The following DAB1 variants were observed in gnomAD, a reference collection of about 807,000 sequenced individuals.
DAB1 encodes disabled homolog 1.
DAB1 carries 15 observed loss-of-function variants against 64.6 expected under a neutral mutation model. The observed-to-expected ratio is 0.23, with a 90% CI of 0.16 to 0.36. DAB1 has a LOEUF of 0.36. Among genes scored for constraint, DAB1 ranks in the 10% least tolerant of loss-of-function variants. The pLI, the probability that DAB1 is intolerant of heterozygous loss-of-function variation, is 1.00. For synonymous variants in DAB1, 235 were observed against 251.9 expected (o/e 0.93, Z 0.64); for missense variants, 596 against 706.7 (o/e 0.84, Z 1.78).
At chr1:57,524,119 A>G (rs865779781) in intron 7 of DAB1, among the ~76,000 whole-genome samples, 46 of 152,156 alleles carry the variant, frequency 3.0e-4, no homozygotes, top group East Asian at 2.3e-3. Context: ...TTAGAGAATC[A>G]ACTCAGGAAA....
chr1:57,798,651 C>T (rs191272214), intron 6 of DAB1, among the ~76,000 whole-genome samples: 1 of 152,218 alleles, frequency 6.6e-6, no homozygotes, highest in African/African-American at 2.4e-5. Flanking sequence ...TCCCTTTCTG[C>T]CTATAACATG....
intron 7 of DAB1, among the ~76,000 whole-genome samples, chr1:57,610,212 G>A (rs1186899079): frequency 6.6e-6 from 1 of 152,204 alleles, no homozygotes; most frequent in Non-Finnish European, 1.5e-5. Flanking sequence ...TTGAAGTGGA[G>A]TGAATTCATC....
intron 5 of DAB1, among the ~76,000 whole-genome samples, chr1:58,129,143 T>C (rs1653343481): frequency 6.6e-6 from 1 of 151,094 alleles, no homozygotes; most frequent in Non-Finnish European, 1.5e-5. Context: ...GATCCTGTTA[T>C]TGGTCTATTC....
intron 7 of DAB1, among the ~76,000 whole-genome samples, chr1:57,552,863 T>C (rs1482035299): frequency 6.6e-6 from 1 of 152,146 alleles, no homozygotes; most frequent in African/African-American, 2.4e-5. Context: ...GGAGACAAGG[T>C]TGTTTTGTGA....
intron 3 of DAB1, among the ~76,000 whole-genome samples, chr1:58,352,716 T>C (rs1378339164): frequency 6.6e-6 from 1 of 152,144 alleles, no homozygotes; most frequent in Non-Finnish European, 1.5e-5. Context: ...AAAATTCATA[T>C]GTTGAAATCC....
At chr1:58,266,192 A>G (rs1356186356) in intron 4 of DAB1, among the ~76,000 whole-genome samples, 3 of 152,170 alleles carry the variant, frequency 2.0e-5, no homozygotes, top group African/African-American at 7.2e-5. Flanking sequence ...TGCTAGTCTG[A>G]TGCTATTGTA....
At chr1:57,112,205 A>G (rs1461226557) in intron 4 of DAB1, among the ~76,000 whole-genome samples, 1 of 152,208 alleles carries the variant, frequency 6.6e-6, no homozygotes, top group African/African-American at 2.4e-5. Context: ...GCTTCCAGCT[A>G]GGAGACTAAG....
In DAB1 at chr1:57,041,292, G is replaced by A. The variant is rs544189245; in HGVS notation, c.724-15249C>T. 1.3e-4 allele frequency among the ~76,000 whole-genome samples: 20 copies of A among 152,276 alleles called. No individual in the cohort carries two copies. In the East Asian group the frequency reaches 2.3e-3, roughly 18 times the overall value. The stretch of plus-strand genomic sequence containing the variant: ...TTTAAATAAGGAATAAACATTTCCC[G>A]AATGCCCATTATGAACCAGACACTA... On this transcript the variant is annotated intron_variant, in intron 9 of 14. Transcript: ENST00000371236.
intron 13 of DAB1, 126 bp downstream of exon 13, chr1:57,011,019 C>T (rs1646250300): frequency 1.5e-6 from 2 of 1,307,214 alleles, no homozygotes; most frequent in South Asian, 1.4e-5. Context: ...TTAGCAACCC[C>T]TTGAGAACTT....
chr1:57,784,064 G>GT (rs1233655159), intron 6 of DAB1, among the ~76,000 whole-genome samples: 1 of 152,128 alleles, frequency 6.6e-6, no homozygotes, highest in Non-Finnish European at 1.5e-5. Flanking sequence ...AGTGAGGAAG[G>GT]TATGTCAAAA....
At chr1:57,876,849 G>C (rs1349175591) in intron 1 of DAB1, 1 of 152,048 alleles carries the variant, frequency 6.6e-6, no homozygotes, top group African/African-American at 2.4e-5. Flanking sequence ...GCAGGTGAAG[G>C]TCACAGGGAG....
intron 6 of DAB1, among the ~76,000 whole-genome samples, chr1:57,745,359 T>C (rs1648214926): frequency 6.6e-6 from 1 of 152,200 alleles, no homozygotes; most frequent in Admixed American, 6.5e-5. Flanking sequence ...AAAAGTGAAA[T>C]TTTCTTAATT....
chr1:58,121,889 C>A (rs1008772922), intron 5 of DAB1, among the ~76,000 whole-genome samples: 1 of 152,080 alleles, frequency 6.6e-6, no homozygotes, highest in African/African-American at 2.4e-5. Flanking sequence ...TAAGTAGAAG[C>A]GAAAAGAGTT....
chr1:58,051,498 C>T (rs1412182048), intron 5 of DAB1, among the ~76,000 whole-genome samples: 1 of 152,130 alleles, frequency 6.6e-6, no homozygotes, highest in Non-Finnish European at 1.5e-5. Flanking sequence ...AATAGTGCTG[C>T]AATAGACATA....
intron 4 of DAB1, among the ~76,000 whole-genome samples, chr1:57,108,482 C>T (rs1446950243): frequency 1.3e-5 from 2 of 152,218 alleles, no homozygotes; most frequent in Admixed American, 6.5e-5. Flanking sequence ...TCTTCCTACT[C>T]ATCCCCACAG....
chr1:58,394,406 C>A (rs1644501661), intron 3 of DAB1, among the ~76,000 whole-genome samples: 2 of 152,116 alleles, frequency 1.3e-5, no homozygotes, highest in Admixed American at 6.5e-5. Context: ...TAAAACAAAA[C>A]CTGTACATGA....
intron 7 of DAB1, among the ~76,000 whole-genome samples, chr1:57,494,567 C>T (rs1644207054): frequency 6.6e-6 from 1 of 152,188 alleles, no homozygotes; most frequent in Non-Finnish European, 1.5e-5. Context: ...AGAGAGAGTC[C>T]TTCAGACCCC....
At chr1:57,335,251 TA>T (rs1676988339) in intron 1 of DAB1, among the ~76,000 whole-genome samples, 1 of 151,904 alleles carries the variant, frequency 6.6e-6, no homozygotes, top group Admixed American at 6.6e-5. Flanking sequence ...CCCCGATCAT[TA>T]AAAAAAGCAA....
chr1:57,470,775 T>C (rs899234596), intron 7 of DAB1, among the ~76,000 whole-genome samples: 4 of 152,192 alleles, frequency 2.6e-5, no homozygotes, highest in African/African-American at 9.7e-5. Context: ...AAGAGCTATG[T>C]CTATAGCCAT....
Sources: allele counts gnomAD v4.1 joint callset (sites outside exome capture counted in the v4.1 genomes callset), GRCh38; gene constraint gnomAD v4.1.1; transcripts MANE v1.5; gene names NCBI Gene and HGNC (gene_info 2026-07-23, HGNC 2026-07-21).